Variants in CCDC6 observed in about 807,000 individuals in gnomAD.
CCDC6 encodes coiled-coil domain containing 6.
In CCDC6, 20 loss-of-function variants were observed where a neutral mutation model predicts 56.6. The ratio of observed to expected loss-of-function variants is 0.35; its 90% CI spans 0.25 to 0.51. The LOEUF (loss-of-function observed/expected upper bound fraction) is 0.51. Ranked by LOEUF, CCDC6 falls within the 20% of genes least tolerant of loss-of-function variation. The pLI is 0.95. For missense variants in CCDC6, 367 were observed against 601.1 expected, an observed-to-expected ratio of 0.61 and a Z score of 4.07; for synonymous variants, 241 against 234.4, an observed-to-expected ratio of 1.03 and a Z score of -0.26.
intron 6 of CCDC6, chr10:59,806,716 A>AT (rs1369684935): frequency 4.4e-6 from 2 of 457,394 alleles, no homozygotes; most frequent in Non-Finnish European, 7.7e-6. Context: ...TAGAGAGGTG[A>AT]TTTTTTTCAT....
At chr10:59,836,052 TAAAAAAAAAAAAA>T (rs59353306) in intron 2 of CCDC6, among the ~76,000 whole-genome samples, 2 of 57,596 alleles carry the variant, frequency 3.5e-5, no homozygotes, top group Admixed American at 2.2e-4. Flanking sequence ...CGACCCTGTC[TAAAAAAAAAAAAA>T]AAAAAAAAAG....
chr10:59,835,300 T>C (rs2070872429), intron 2 of CCDC6, among the ~76,000 whole-genome samples: 1 of 152,240 alleles, frequency 6.6e-6, no homozygotes, highest in Admixed American at 6.5e-5. Flanking sequence ...TAGAATGTTG[T>C]AACATCTGAG....
chr10:59,889,152 A>C (rs2071403652), intron 1 of CCDC6, among the ~76,000 whole-genome samples: 1 of 152,192 alleles, frequency 6.6e-6, no homozygotes, highest in Non-Finnish European at 1.5e-5. Flanking sequence ...TACATGGTAC[A>C]TGCTCTGTGT....
intron 2 of CCDC6, among the ~76,000 whole-genome samples, chr10:59,840,898 T>A (rs2070932542): frequency 2.0e-5 from 3 of 152,226 alleles, no homozygotes; most frequent in South Asian, 4.1e-4. Context: ...TGGCATGTAT[T>A]ACAGAATATC....
At chr10:59,802,868 T>C (rs540204322) in intron 7 of CCDC6, among the ~76,000 whole-genome samples, 2 of 152,266 alleles carry the variant, frequency 1.3e-5, no homozygotes, top group African/African-American at 2.4e-5. Context: ...GGAAATTACA[T>C]GCCTCTAAGG....
intron 1 of CCDC6, among the ~76,000 whole-genome samples, chr10:59,902,583 G>C (rs528020206): frequency 1.6e-4 from 24 of 152,062 alleles, no homozygotes; most frequent in African/African-American, 5.8e-4. Flanking sequence ...TTTTTCAGTA[G>C]AGATGGGGTT....
chr10:59,860,740 G>C lies in CCDC6; in HGVS notation c.304-8038C>G, dbSNP rs557915267. Among the ~76,000 whole-genome samples the C allele has an allele frequency of 8.5e-5, 13 of 152,162 alleles. No individual in the cohort carries two copies. The East Asian group carries it at 2.1e-3, about 25-fold the overall frequency. ...TATACATGACCTAATAGAAAAAGAG[G>C]CGTGCTCATTTCCAGGCATAAAAAC... is the stretch of plus-strand genomic sequence containing the variant. On this transcript the variant is annotated intron_variant, in intron 1 of 8. Transcript: ENST00000263102.
chr10:59,865,847 C>T (rs1277986978), intron 1 of CCDC6, among the ~76,000 whole-genome samples: 1 of 78,356 alleles, frequency 1.3e-5, no homozygotes, highest in Non-Finnish European at 2.3e-5. Context: ...GAGACTCCAT[C>T]TCCACAAAAA....
intron 2 of CCDC6, among the ~76,000 whole-genome samples, chr10:59,850,874 A>C (rs894143094): frequency 5.3e-5 from 8 of 152,042 alleles, no homozygotes; most frequent in African/African-American, 1.9e-4. Flanking sequence ...CTGTTGCATT[A>C]TGTGCTTATG....
At chr10:59,872,536 G>A (rs976239670) in intron 1 of CCDC6, among the ~76,000 whole-genome samples, 1 of 152,130 alleles carries the variant, frequency 6.6e-6, no homozygotes, top group African/African-American at 2.4e-5. Flanking sequence ...CAATTCCTCC[G>A]AAGAAGTAAA....
rs72280811 is a variant in CCDC6, at chr10:59,797,683, T to TTGTGTGTGTGTGTGTG, written c.1106-3102_1106-3087dup. Among the ~76,000 whole-genome samples the TTGTGTGTGTGTGTGTG allele has an allele frequency of 1.4e-3, 202 of 140,612 alleles. 3 individuals carry two copies. The highest frequency in any genetic ancestry group is 7.0e-3 in the Middle Eastern group (2 of 284). The allele number at this position is 140,612 out of a possible 152,430, so 92.2% of individuals were successfully genotyped here. ...GTGAGAGAGAGAGAGAGTGAGAGTG[T>TTGTGTGTGTGTGTGTG]TGTGTGTGTGTGTGTGTGTGTGTGT... On this transcript the variant is annotated intron_variant, in intron 7 of 8. Coordinates refer to ENST00000263102, the MANE Select transcript of CCDC6 (RefSeq NM_005436.5).
intron 1 of CCDC6, among the ~76,000 whole-genome samples, chr10:59,855,466 CT>C (rs2071073896): frequency 1.3e-5 from 2 of 152,164 alleles, no homozygotes; most frequent in Non-Finnish European, 2.9e-5. Flanking sequence ...ACTCGGGAGG[CT>C]GAGCCAGAGA....
chr10:59,793,604 C>A (rs1210200772), intron 8 of CCDC6, among the ~76,000 whole-genome samples: 1 of 152,040 alleles, frequency 6.6e-6, no homozygotes, highest in Non-Finnish European at 1.5e-5. Context: ...GCCAACAGGG[C>A]AAAACCCCGT....
chr10:59,866,034 C>A (rs778232743), intron 1 of CCDC6, among the ~76,000 whole-genome samples: 2 of 152,038 alleles, frequency 1.3e-5, no homozygotes, highest in South Asian at 2.1e-4. Context: ...CCTCTCCCCA[C>A]GCCCCATAAT....
At chr10:59,864,788 C>A (rs1451297190) in intron 1 of CCDC6, among the ~76,000 whole-genome samples, 1 of 152,092 alleles carries the variant, frequency 6.6e-6, no homozygotes, top group Non-Finnish European at 1.5e-5. Context: ...CAGACTCCCA[C>A]CTCTTAATGA....
chr10:59,828,657 C>T lies in CCDC6; in HGVS notation c.582+3868G>A, dbSNP rs377740643. 3.9e-5 allele frequency among the ~76,000 whole-genome samples: 6 copies of T among 152,122 alleles called. No individual in the cohort carries two copies. In the East Asian group the frequency reaches 5.8e-4, roughly 15 times the overall value. On this transcript the variant is annotated intron_variant, in intron 3 of 8. Coordinates refer to ENST00000263102, the MANE Select transcript of CCDC6 (RefSeq NM_005436.5). ...TTAAGAAACCCTCCCAATCTCTCTCCGGATTTCCATTTCTGAAAAGGGAGC... is the reference window on the plus strand; with the variant it reads ...TTAAGAAACCCTCCCAATCTCTCTCTGGATTTCCATTTCTGAAAAGGGAGC...
chr10:59,882,753 G>A (rs186228225), intron 1 of CCDC6, among the ~76,000 whole-genome samples: 1 of 152,016 alleles, frequency 6.6e-6, no homozygotes, highest in Non-Finnish European at 1.5e-5. Flanking sequence ...GAGGTTAGGA[G>A]ATCGAGACCA....
intron 3 of CCDC6, among the ~76,000 whole-genome samples, chr10:59,815,618 G>A (rs192999938): frequency 6.6e-5 from 10 of 152,284 alleles, no homozygotes; most frequent in Admixed American, 6.5e-4. Flanking sequence ...GAAAGTGCAA[G>A]AGGTTTCATA....
At chr10:59,851,675 C>G (rs796510226) in intron 2 of CCDC6, among the ~76,000 whole-genome samples, 35 of 152,138 alleles carry the variant, frequency 2.3e-4, no homozygotes, top group African/African-American at 8.2e-4. Flanking sequence ...TACAACCTCA[C>G]TAATATATAT....
Sources: gnomAD v4.1 joint callset for allele counts (sites outside exome capture counted in the v4.1 genomes callset) on GRCh38, gnomAD v4.1.1 for gene constraint, MANE v1.5 for transcripts, NCBI Gene and HGNC (gene_info 2026-07-23, HGNC 2026-07-21) for gene names.